ENKUR: variants seen among roughly 807,000 people sequenced by gnomAD.
ENKUR encodes the protein enkurin, TRPC channel interacting protein.
A neutral mutation model predicts 27.6 loss-of-function variants in ENKUR; 19 were observed. The observed-to-expected ratio is 0.69, with a 90% CI of 0.48 to 1.01. ENKUR has a LOEUF of 1.01. ENKUR is among the 50% of genes least tolerant of loss of function. The probability of loss-of-function intolerance (pLI) is 0.00; values close to 1 mark genes in which losing one functional copy is unlikely to be tolerated. For missense variants in ENKUR, 312 were observed against 310.5 expected (o/e 1.00, Z -0.04); for synonymous variants, 117 against 96.9 (o/e 1.21, Z -1.22).
chr10:24,984,715 A>G (rs1180899571), intron 5 of ENKUR, 21 bp downstream of exon 5: 1 of 1,577,870 alleles, frequency 6.3e-7, no homozygotes, highest in Non-Finnish European at 8.6e-7. Context: ...AAATTGTTAT[A>G]CTTTAAAGAT....
chr10:25,002,681 G>A (rs576062740), intron 1 of ENKUR, among the ~76,000 whole-genome samples: 26 of 152,190 alleles, frequency 1.7e-4, no homozygotes, highest in African/African-American at 5.3e-4. Flanking sequence ...GTAACAACTT[G>A]TATTATCTTC....
chr10:25,049,732 G>T (rs1466720747), intron 2 of ENKUR, among the ~76,000 whole-genome samples: 1 of 142,094 alleles, frequency 7.0e-6, no homozygotes, highest in Non-Finnish European at 1.5e-5. Context: ...ATGTTGCAGT[G>T]AGTCGAGATC....
chr10:25,015,261 T>C (rs1198867246), intron 1 of ENKUR, among the ~76,000 whole-genome samples: 1 of 152,238 alleles, frequency 6.6e-6, no homozygotes. Context: ...ACATATTTTT[T>C]GGTTCATTAT....
chr10:25,003,828 AC>A (rs1588658991), intron 1 of ENKUR, among the ~76,000 whole-genome samples: 1 of 151,332 alleles, frequency 6.6e-6, no homozygotes, highest in Non-Finnish European at 1.5e-5. Context: ...CCCTCCTTCC[AC>A]CCCCAGCCTC....
chr10:25,027,953 A>G (rs1239275768), intron 2 of ENKUR, among the ~76,000 whole-genome samples: 1 of 152,220 alleles, frequency 6.6e-6, no homozygotes, highest in Admixed American at 6.5e-5. Context: ...TTATTGCAAG[A>G]TGGTGTGTCA....
intron 2 of ENKUR, among the ~76,000 whole-genome samples, chr10:25,028,347 A>C (rs1850893534): frequency 6.6e-6 from 1 of 152,146 alleles, no homozygotes; most frequent in African/African-American, 2.4e-5. Context: ...CCCATCATCA[A>C]GTGTATATGT....
At chr10:25,054,390 A>C (rs1963584) in intron 2 of ENKUR, among the ~76,000 whole-genome samples, 70,004 of 151,954 alleles carry the variant, frequency 0.46, 17,559 homozygotes, top group African/African-American at 0.67. Flanking sequence ...CCATTGCATT[A>C]CAGCTTGGGC....
chr10:24,984,887 C>A lies in ENKUR; in HGVS notation c.613G>T (p.Glu205Ter). The change falls in exon 5 of 6, where the codon GAA (glutamate) becomes TAA (stop). Residue 205 changes from glutamate (E) to a stop codon, truncating the protein, a stop_gained. Transcript: ENST00000331161. LOFTEE classifies it high-confidence loss of function. ...AVLQGLKKNWEEVHKEFQSLS... is the reference protein window; with the variant it reads ...AVLQGLKKNW ...GACTGGAATTCTTTATGCACCTCTT[C>A]CCAGTTCTTTTTCAGCCCCTGCAAA... 1 of 1,612,484 alleles carries A rather than the reference C, an allele frequency of 6.2e-7. No homozygotes were observed. Among genetic ancestry groups the A allele is most frequent in the South Asian group, 1.1e-5 (1 of 90,460 alleles).
chr10:25,023,237 AC>A, intron 2 of ENKUR: 1 of 1,611,532 alleles, frequency 6.2e-7, no homozygotes, highest in Non-Finnish European at 8.5e-7. Flanking sequence ...CTCCACTTTA[AC>A]CGATGTCATC....
chr10:24,985,903 A>T (rs1193946456), intron 4 of ENKUR, among the ~76,000 whole-genome samples: 1 of 152,146 alleles, frequency 6.6e-6, no homozygotes, highest in Non-Finnish European at 1.5e-5. Context: ...CCCTGTCGCT[A>T]CAAAAAATAC....
intron 1 of ENKUR, among the ~76,000 whole-genome samples, chr10:25,014,897 T>G (rs1850529999): frequency 1.3e-5 from 2 of 152,190 alleles, no homozygotes. Flanking sequence ...GACCATTAGA[T>G]CTAAAAGGGG....
intron 1 of ENKUR, among the ~76,000 whole-genome samples, chr10:25,015,609 TTAA>T (rs906986598): frequency 3.3e-5 from 5 of 152,174 alleles, no homozygotes; most frequent in Admixed American, 2.0e-4. Context: ...ACATACCGTA[TTAA>T]TAAGAGGTTA....
chr10:25,037,141 G>A (rs979894637), intron 2 of ENKUR, among the ~76,000 whole-genome samples: 1 of 152,320 alleles, frequency 6.6e-6, no homozygotes, highest in Admixed American at 6.5e-5. Flanking sequence ...AGAAAATCAA[G>A]CAGGATCCAT....
At chr10:24,999,897 A>T (rs1850149732) in intron 1 of ENKUR, among the ~76,000 whole-genome samples, 1 of 152,116 alleles carries the variant, frequency 6.6e-6, no homozygotes, top group South Asian at 2.1e-4. Flanking sequence ...TATTAATTTT[A>T]TGAATCTTCT....
chr10:24,993,927 G>A (rs114932568), intron 3 of ENKUR, among the ~76,000 whole-genome samples: 2,000 of 152,260 alleles, frequency 0.013, 57 homozygotes, highest in African/African-American at 0.046. Flanking sequence ...GACTGGAAGT[G>A]GCTTTAAGAG....
At chr10:24,990,090 G>C (rs1393187518) in intron 4 of ENKUR, among the ~76,000 whole-genome samples, 1 of 152,120 alleles carries the variant, frequency 6.6e-6, no homozygotes, top group African/African-American at 2.4e-5. Flanking sequence ...GCTCCATCTA[G>C]TGAAAAATAT....
intron 2 of ENKUR, among the ~76,000 whole-genome samples, chr10:25,033,869 A>G (rs1031286137): frequency 6.0e-5 from 9 of 151,084 alleles, no homozygotes; most frequent in Admixed American, 4.0e-4. Context: ...CTATCTATCA[A>G]TCATCTATTG....
At chr10:25,033,487 A>T (rs1850960178) in intron 2 of ENKUR, among the ~76,000 whole-genome samples, 1 of 151,822 alleles carries the variant, frequency 6.6e-6, no homozygotes, top group African/African-American at 2.4e-5. Flanking sequence ...ATAGATTTAT[A>T]ATGCATATTA....
At chr10:25,026,405 T>C (rs1294783143) in intron 2 of ENKUR, 6 of 167,062 alleles carry the variant, frequency 3.6e-5, no homozygotes. Flanking sequence ...AGGAAGGTTT[T>C]CCAAAATTAA....
Sources: allele counts gnomAD v4.1 joint callset (sites outside exome capture counted in the v4.1 genomes callset), GRCh38; gene constraint gnomAD v4.1.1; transcripts MANE v1.5; gene names NCBI Gene and HGNC (gene_info 2026-07-23, HGNC 2026-07-21).